Variants in ZNF469 observed in about 807,000 individuals in gnomAD.
The protein encoded by ZNF469 is zinc finger protein 469.
ZNF469 carries 1 observed loss-of-function variant against 1.0 expected under a neutral mutation model. That is an observed-to-expected ratio of 1.00 (90% CI 0.35 to 4.73). ZNF469 has a LOEUF of 4.73. ZNF469 is among the 30% of genes most tolerant of loss of function. ZNF469 has a pLI of 0.16. For synonymous variants in ZNF469, 2,703 were observed against 2,363.4 expected, an observed-to-expected ratio of 1.14 and a Z score of -4.17; for missense variants, 6,100 against 5,356.3, an observed-to-expected ratio of 1.14 and a Z score of -4.33.
the ZNF469 span, among the ~76,000 whole-genome samples, chr16:88,119,222 A>C: frequency 2.0e-5 from 3 of 152,316 alleles, no homozygotes; most frequent in African/African-American, 7.2e-5. Flanking sequence ...AGGCGGTCTC[A>C]CGGTTAGCTC....
At chr16:88,384,769 G>A (rs58323503) in intron 1 of ZNF469, among the ~76,000 whole-genome samples, 155 of 152,312 alleles carry the variant, frequency 1.0e-3, no homozygotes, top group African/African-American at 3.5e-3. Context: ...AAACCAGGAA[G>A]TCCCAGGATT....
chr16:88,371,853 C>T, the ZNF469 span, among the ~76,000 whole-genome samples: 1 of 151,754 alleles, frequency 6.6e-6, no homozygotes, highest in Admixed American at 6.6e-5. Context: ...CCATCACCAT[C>T]ATCACCATCA....
At chr16:88,235,820 G>A in the ZNF469 span, among the ~76,000 whole-genome samples, 6 of 152,232 alleles carry the variant, frequency 3.9e-5, no homozygotes, top group East Asian at 1.9e-4. Flanking sequence ...GACATGTGCC[G>A]CAGGGGGTTG....
In ZNF469 at chr16:88,437,920, C is replaced by A; in HGVS notation, c.10450C>A (p.Pro3484Thr). 6.5e-7 allele frequency: 1 copy of A among 1,540,814 alleles called. No individual in the cohort carries two copies. The highest frequency in any genetic ancestry group is 8.8e-7 in the Non-Finnish European group (1 of 1,142,078). ...CAGGGTGGCCATGCCCGGCAGTGCC[C>A]CTGGGCCCGGCGAGGACAGGCCTCC... Reference protein sequence around the residue: ...RRRVAMPGSAPGPGEDRPPPR... With the variant: ...RRRVAMPGSATGPGEDRPPPR... Residue 3484 changes from proline to threonine, a missense_variant, in exon 3 of 3, where the codon CCT becomes ACT. By Grantham distance (38) the Pro-to-Thr change is conservative (BLOSUM62 -1). Transcript: ENST00000565624.
At chr16:88,374,826 T>G in the ZNF469 span, among the ~76,000 whole-genome samples, 14 of 152,162 alleles carry the variant, frequency 9.2e-5, no homozygotes, top group African/African-American at 3.4e-4. Context: ...GTATCTGCGC[T>G]CTGAGGCGTG....
Position 88,434,646 on chromosome 16 carries a change from G to A in ZNF469, c.7176G>A (p.Lys2392=), listed in dbSNP as rs1906441514. Reference sequence around the variant, plus strand: ...AGACCGGGCGCTCTGGTGCTACCAAGATGCCCAGGGTCACCTGCCCTTCCA... The same window carrying A: ...AGACCGGGCGCTCTGGTGCTACCAAAATGCCCAGGGTCACCTGCCCTTCCA... The part of the protein sequence containing the change: ...TPETGRSGAT[K]MPRVTCPSTG... The change falls in exon 3 of 3, where the codon AAG becomes AAA. Residue 2392 remains lysine, a synonymous_variant. Coordinates refer to ENST00000565624, the MANE Select transcript of ZNF469 (RefSeq NM_001367624.2). 1 of 1,550,182 alleles carries A rather than the reference G, an allele frequency of 6.5e-7. No homozygotes were observed. The highest frequency in any genetic ancestry group is 1.4e-5 in the African/African-American group (1 of 73,042).
At chr16:88,408,994 G>T (rs1442667044) in intron 1 of ZNF469, among the ~76,000 whole-genome samples, 1 of 152,224 alleles carries the variant, frequency 6.6e-6, no homozygotes, top group Non-Finnish European at 1.5e-5. Context: ...GGCTTGTGTG[G>T]GCTGAAGGTC....
At chr16:88,262,051 G>A in the ZNF469 span, among the ~76,000 whole-genome samples, 7 of 152,188 alleles carry the variant, frequency 4.6e-5, no homozygotes, top group East Asian at 1.9e-4. This position sits in a 1 kb window ranked among gnomAD's most constrained non-coding sequence, Gnocchi z 4.3. Context: ...GGAGCTTTCC[G>A]AGGCCGATCT....
chr16:88,421,210 T>TCCCCCACA (rs1200375764), intron 1 of ZNF469, among the ~76,000 whole-genome samples: 3 of 151,890 alleles, frequency 2.0e-5, no homozygotes, highest in Non-Finnish European at 4.4e-5. Context: ...GCACTGGCAT[T>TCCCCCACA]CCCCCACACC....
At chr16:88,144,266 G>T in the ZNF469 span, among the ~76,000 whole-genome samples, 2 of 152,212 alleles carry the variant, frequency 1.3e-5, no homozygotes, top group Non-Finnish European at 2.9e-5. Flanking sequence ...TCCCTACTAC[G>T]TCTGTTTGTT....
chr16:88,111,129 T>C, the ZNF469 span, among the ~76,000 whole-genome samples: 1 of 152,210 alleles, frequency 6.6e-6, no homozygotes. Flanking sequence ...CACCGCCCCA[T>C]GTCAAACCAT....
At chr16:88,353,288 G>T in the ZNF469 span, among the ~76,000 whole-genome samples, 1 of 152,010 alleles carries the variant, frequency 6.6e-6, no homozygotes, top group African/African-American at 2.4e-5. Flanking sequence ...TCTTTAAAAC[G>T]TGAGTCTGCC....
At chr16:88,381,498 A>T (rs1344792154), upstream of ZNF469, among the ~76,000 whole-genome samples, 1 of 152,234 alleles carries the variant, frequency 6.6e-6, no homozygotes, top group Non-Finnish European at 1.5e-5. Context: ...ACGAGAAGGA[A>T]GGAAACGCCC....
At chr16:88,236,056 A>C in the ZNF469 span, among the ~76,000 whole-genome samples, 1 of 152,222 alleles carries the variant, frequency 6.6e-6, no homozygotes, top group Non-Finnish European at 1.5e-5. Flanking sequence ...GTCTGGATTA[A>C]GATAAGGGGT....
the ZNF469 span, among the ~76,000 whole-genome samples, chr16:88,231,283 C>A: frequency 3.9e-5 from 6 of 152,164 alleles, no homozygotes; most frequent in Non-Finnish European, 8.8e-5. The surrounding 1 kb of genome is among the most constrained non-coding windows in gnomAD (Gnocchi z 4.5). Flanking sequence ...CTTCACAGTG[C>A]TGAAAAGGTT....
chr16:88,313,145 C>T, the ZNF469 span, among the ~76,000 whole-genome samples: 1 of 152,172 alleles, frequency 6.6e-6, no homozygotes, highest in Non-Finnish European at 1.5e-5. Context: ...AAGTTCCCTT[C>T]ATGTGGCTGA....
the ZNF469 span, among the ~76,000 whole-genome samples, chr16:88,185,664 C>G: frequency 6.6e-6 from 1 of 151,880 alleles, no homozygotes; most frequent in African/African-American, 2.4e-5. Flanking sequence ...TATATGCACA[C>G]ACTCATGTGC....
At chr16:88,108,309 C>G in the ZNF469 span, among the ~76,000 whole-genome samples, 1 of 152,026 alleles carries the variant, frequency 6.6e-6, no homozygotes, top group Non-Finnish European at 1.5e-5. Flanking sequence ...AGCCCTGCAC[C>G]GTCACACTGT....
chr16:88,101,176 G>A, the ZNF469 span, among the ~76,000 whole-genome samples: 3 of 152,258 alleles, frequency 2.0e-5, no homozygotes, highest in African/African-American at 4.8e-5. Context: ...CCGGATTGAC[G>A]ATGGTGACGA....
Sources: allele counts gnomAD v4.1 joint callset (sites outside exome capture counted in the v4.1 genomes callset), GRCh38; gene constraint gnomAD v4.1.1; non-coding constraint Gnocchi (gnomAD v3.1); transcripts MANE v1.5; gene names NCBI Gene and HGNC (gene_info 2026-07-23, HGNC 2026-07-21).